CFAP61: variants seen among roughly 807,000 people sequenced by gnomAD.
CFAP61 encodes cilia and flagella associated protein 61, also known as cilia- and flagella-associated protein 61.
A neutral mutation model predicts 135.6 loss-of-function variants in CFAP61; 107 were observed. The ratio of observed to expected loss-of-function variants is 0.79; its 90% CI spans 0.67 to 0.93. CFAP61 has a LOEUF of 0.93. Among genes scored for constraint, CFAP61 ranks in the 40% least tolerant of loss-of-function variants. The probability of loss-of-function intolerance (pLI) is 0.00; values close to 1 mark genes in which losing one functional copy is unlikely to be tolerated. For missense variants in CFAP61, 1,507 were observed against 1,556.2 expected (o/e 0.97, Z 0.53); for synonymous variants, 575 against 578.5 (o/e 0.99, Z 0.09).
chr20:20,069,468 T>C (rs2045553363), intron 2 of CFAP61, among the ~76,000 whole-genome samples: 1 of 152,010 alleles, frequency 6.6e-6, no homozygotes, highest in African/African-American at 2.4e-5. Context: ...TTAGTCAAGA[T>C]GGGTTTTCAC....
chr20:20,203,471 A>G (rs1479161968), intron 17 of CFAP61, among the ~76,000 whole-genome samples: 2 of 152,138 alleles, frequency 1.3e-5, no homozygotes, highest in Non-Finnish European at 2.9e-5. Context: ...AAATTATTTT[A>G]TTTCTTTAAT....
intron 17 of CFAP61, among the ~76,000 whole-genome samples, chr20:20,210,584 A>G (rs1465196050): frequency 6.6e-6 from 1 of 152,224 alleles, no homozygotes; most frequent in Admixed American, 6.5e-5. Context: ...CTGCTAGTAC[A>G]AAAACAACAC....
intron 2 of CFAP61, among the ~76,000 whole-genome samples, chr20:20,060,817 G>C (rs933414305): frequency 1.8e-4 from 27 of 152,226 alleles, no homozygotes; most frequent in Admixed American, 1.1e-3. Context: ...GTGCCACACT[G>C]ATGAAAGCTC....
intron 14 of CFAP61, 130 bp downstream of exon 14, chr20:20,188,186 A>G: frequency 3.3e-6 from 3 of 897,608 alleles, no homozygotes; most frequent in Non-Finnish European, 5.1e-6. Context: ...GTAGAGTTAG[A>G]AGATGGGAGC....
chr20:20,103,872 A>G (rs1159170942), intron 8 of CFAP61, among the ~76,000 whole-genome samples: 1 of 152,228 alleles, frequency 6.6e-6, no homozygotes, highest in East Asian at 1.9e-4. Context: ...CCACAGCTGT[A>G]CTGGCATTGC....
chr20:20,357,183 T>G lies in CFAP61; in HGVS notation c.3514-3027T>G, dbSNP rs771748006. ...GGGAGGTGGTCACACTGAGGGGAGG[T>G]GGTCATACTGTGAGTGAGGAGGTAG... On this transcript the variant is annotated intron_variant, in intron 26 of 26. Coordinates refer to ENST00000245957, the MANE Select transcript of CFAP61 (RefSeq NM_015585.4). Among the ~76,000 whole-genome samples the G allele has an allele frequency of 8.7e-3, 333 of 38,294 alleles. 6 individuals carry two copies. The highest frequency in any genetic ancestry group is 0.011 in the Non-Finnish European group (183 of 17,224). The allele number at this position is 38,294 out of a possible 152,430, so 25.1% of individuals were successfully genotyped here.
intron 15 of CFAP61, 76 bp downstream of exon 15, chr20:20,191,495 G>T: frequency 9.8e-7 from 1 of 1,023,688 alleles, no homozygotes; most frequent in South Asian, 1.5e-5. Context: ...TGCCCCTTTT[G>T]GAGTTGTACT....
At chr20:20,213,885 C>T (rs899356197) in intron 17 of CFAP61, among the ~76,000 whole-genome samples, 11 of 152,166 alleles carry the variant, frequency 7.2e-5, no homozygotes, top group Admixed American at 4.6e-4. Context: ...GAGCTGTTTT[C>T]GCCATGGTGT....
chr20:20,270,659 C>G (rs2053264717), intron 21 of CFAP61, among the ~76,000 whole-genome samples: 1 of 148,756 alleles, frequency 6.7e-6, no homozygotes, highest in Non-Finnish European at 1.5e-5. Context: ...TGAAGAACTT[C>G]TTGCATCTTG....
chr20:20,203,338 T>A (rs758114469), intron 17 of CFAP61, among the ~76,000 whole-genome samples: 1 of 152,194 alleles, frequency 6.6e-6, no homozygotes, highest in Non-Finnish European at 1.5e-5. Context: ...CCTGAAAGAT[T>A]CTTTTCTGAG....
At chr20:20,212,353 CAG>C (rs1478097663) in intron 17 of CFAP61, among the ~76,000 whole-genome samples, 1 of 152,186 alleles carries the variant, frequency 6.6e-6, no homozygotes, top group Non-Finnish European at 1.5e-5. Context: ...TACATACACA[CAG>C]AGTACACACA....
intron 19 of CFAP61, among the ~76,000 whole-genome samples, chr20:20,251,351 A>C (rs563089782): frequency 2.1e-3 from 313 of 150,770 alleles, no homozygotes; most frequent in African/African-American, 7.3e-3. Context: ...ACACACACAC[A>C]CCCCTCCCAC....
At chr20:20,303,876 C>T (rs901512018) in intron 25 of CFAP61, among the ~76,000 whole-genome samples, 4 of 152,300 alleles carry the variant, frequency 2.6e-5, no homozygotes, top group East Asian at 1.9e-4. Context: ...AGTTCCTCTC[C>T]GCATTCAGAG....
intron 21 of CFAP61, among the ~76,000 whole-genome samples, chr20:20,269,632 G>A (rs937801571): frequency 2.6e-5 from 4 of 152,134 alleles, no homozygotes; most frequent in Non-Finnish European, 2.9e-5. Flanking sequence ...TTCGCCTCCC[G>A]AAGTGCTGGG....
chr20:20,152,799 C>A (rs1381765677), intron 9 of CFAP61, among the ~76,000 whole-genome samples: 1 of 152,044 alleles, frequency 6.6e-6, no homozygotes, highest in Non-Finnish European at 1.5e-5. Context: ...CCATTGACAG[C>A]CTGAGACAGG....
chr20:20,212,107 G>A (rs1260193473), intron 17 of CFAP61, among the ~76,000 whole-genome samples: 1 of 152,190 alleles, frequency 6.6e-6, no homozygotes, highest in Non-Finnish European at 1.5e-5. Flanking sequence ...CTGGGTCTTT[G>A]GTCACCGTGT....
intron 6 of CFAP61, among the ~76,000 whole-genome samples, chr20:20,090,614 C>T (rs2047117890): frequency 1.4e-5 from 2 of 147,396 alleles, no homozygotes; most frequent in South Asian, 2.1e-4. Context: ...CGCTTGAACC[C>T]GGGAAGCAGA....
chr20:20,218,692 G>T (rs898748118), intron 17 of CFAP61, among the ~76,000 whole-genome samples: 2 of 152,158 alleles, frequency 1.3e-5, no homozygotes, highest in East Asian at 1.9e-4. Flanking sequence ...AACCTAATGA[G>T]AATTCCTTAA....
chr20:20,206,234 G>A (rs752435517), intron 17 of CFAP61, among the ~76,000 whole-genome samples: 1 of 152,312 alleles, frequency 6.6e-6, no homozygotes, highest in South Asian at 2.1e-4. Flanking sequence ...TCTTCCCACA[G>A]CCATGTCTTT....
Sources: allele counts gnomAD v4.1 joint callset (sites outside exome capture counted in the v4.1 genomes callset), GRCh38; gene constraint gnomAD v4.1.1; transcripts MANE v1.5; gene names NCBI Gene and HGNC (gene_info 2026-07-23, HGNC 2026-07-21).